Variants in TP73 observed in about 807,000 individuals in gnomAD.
The protein encoded by TP73 is p53-like transcription factor.
TP73 carries 25 observed loss-of-function variants against 62.5 expected under a neutral mutation model. The observed-to-expected ratio is 0.40, with a 90% CI of 0.29 to 0.56. TP73 has a LOEUF of 0.56. TP73 is among the 20% of genes least tolerant of loss of function. The pLI, the probability that TP73 is intolerant of heterozygous loss-of-function variation, is 0.46. For missense variants in TP73, 754 were observed against 913.3 expected, an observed-to-expected ratio of 0.83 and a Z score of 2.25; for synonymous variants, 423 against 377.5, an observed-to-expected ratio of 1.12 and a Z score of -1.40.
intron 1 of TP73, among the ~76,000 whole-genome samples, chr1:3,671,270 A>G (rs1225677382): frequency 6.6e-6 from 1 of 152,148 alleles, no homozygotes; most frequent in African/African-American, 2.4e-5. Flanking sequence ...CAGCCCCCTC[A>G]GACCTGGAGT....
chr1:3,683,313 A>G (rs1645569079), intron 3 of TP73, 133 bp downstream of exon 3: 3 of 1,199,576 alleles, frequency 2.5e-6, no homozygotes, highest in East Asian at 2.6e-5. Context: ...GTTTCTGAGG[A>G]CACTTCAAAT....
chr1:3,727,825 G>A, intron 8 of TP73, 55 bp downstream of exon 8: 1 of 1,475,736 alleles, frequency 6.8e-7, no homozygotes, highest in Non-Finnish European at 9.0e-7. Flanking sequence ...GGGACACATT[G>A]GCAGGACACA....
chr1:3,727,452 A>T, intron 7 of TP73, 176 bp from the exon 8 acceptor site: 1 of 1,056,410 alleles, frequency 9.5e-7, no homozygotes, highest in Non-Finnish European at 1.3e-6. Flanking sequence ...GGGCAGCCTC[A>T]CAGCTTTGAG....
intron 3 of TP73, among the ~76,000 whole-genome samples, chr1:3,698,981 C>A (rs1638918484): frequency 6.6e-6 from 1 of 152,130 alleles, no homozygotes; most frequent in Non-Finnish European, 1.5e-5. Flanking sequence ...GTGGAAAGTT[C>A]CACATGGCCC....
intron 3 of TP73, among the ~76,000 whole-genome samples, chr1:3,693,030 C>T (rs1243853835): frequency 6.6e-6 from 1 of 152,180 alleles, no homozygotes; most frequent in Non-Finnish European, 1.5e-5. Context: ...TTCATCCCAT[C>T]AGCAAGTGTT....
intron 4 of TP73, among the ~76,000 whole-genome samples, chr1:3,710,094 G>A (rs2124411028): frequency 6.6e-6 from 1 of 151,926 alleles, no homozygotes; most frequent in East Asian, 1.9e-4. Flanking sequence ...GGCATCCCGG[G>A]CTGGTCAGCT....
chr1:3,703,033 C>A (rs533397740), intron 3 of TP73, among the ~76,000 whole-genome samples: 3 of 152,196 alleles, frequency 2.0e-5, no homozygotes, highest in Non-Finnish European at 4.4e-5. Flanking sequence ...CAGAGTCCCC[C>A]GAGCCAGGTG....
rs566443142 is a variant in TP73, at chr1:3,670,308, G to A, written c.-33-12025G>A. ...GTGGGTGTCGTCTCCCTGGGGTCCC[G>A]CAGTCTGAACTCAAGACTCAAGAGC... On this transcript the variant is annotated intron_variant, in intron 1 of 13. Transcript: ENST00000378295. The surrounding 1 kb of genome is among the most constrained non-coding windows in gnomAD (Gnocchi z 5.9). Among the ~76,000 whole-genome samples the A allele has an allele frequency of 3.2e-4, 49 of 152,212 alleles. No homozygotes were observed. The highest frequency in any genetic ancestry group is 6.8e-3 in the Middle Eastern group (2 of 294).
intron 3 of TP73, among the ~76,000 whole-genome samples, chr1:3,690,352 G>T (rs1645781691): frequency 1.3e-5 from 2 of 152,152 alleles, no homozygotes; most frequent in South Asian, 2.1e-4. Context: ...GCCAAGGGAG[G>T]CGACACCATC....
At chr1:3,709,721 C>A (rs1278221034) in intron 4 of TP73, among the ~76,000 whole-genome samples, 1 of 152,232 alleles carries the variant, frequency 6.6e-6, no homozygotes, top group South Asian at 2.1e-4. Context: ...ACTCTCTCCC[C>A]TCTAAGGACA....
At chr1:3,692,726 G>T (rs1216290967) in intron 3 of TP73, among the ~76,000 whole-genome samples, 1 of 152,122 alleles carries the variant, frequency 6.6e-6, no homozygotes, top group Non-Finnish European at 1.5e-5. Flanking sequence ...GGGACCTGGG[G>T]GACTCTAGTA....
intron 4 of TP73, among the ~76,000 whole-genome samples, chr1:3,716,402 G>A (rs910787956): frequency 6.6e-6 from 1 of 152,232 alleles, no homozygotes; most frequent in Non-Finnish European, 1.5e-5. Context: ...CCTGGCCCAT[G>A]GGCTGTGGAT....
Position 3,663,139 on chromosome 1 carries a change from C to G in TP73, c.-34+10498C>G, listed in dbSNP as rs1004502741. 6.6e-6 allele frequency among the ~76,000 whole-genome samples: 1 copy of G among 152,100 alleles called. No individual in the cohort carries two copies. Among genetic ancestry groups the G allele is most frequent in the Non-Finnish European group, 1.5e-5 (1 of 68,020 alleles). Reference sequence around the variant, plus strand: ...CATGCCACCAAGATCAGCTGCAGGCCGGGCCACCCATGCCTGAGGGGAGAA... The same window carrying G: ...CATGCCACCAAGATCAGCTGCAGGCGGGGCCACCCATGCCTGAGGGGAGAA... On this transcript the variant is annotated intron_variant, in intron 1 of 13. Coordinates refer to ENST00000378295, the MANE Select transcript of TP73 (RefSeq NM_005427.4). The surrounding 1 kb of genome is among the most constrained non-coding windows in gnomAD (Gnocchi z 4.7).
intron 1 of TP73, among the ~76,000 whole-genome samples, chr1:3,656,383 C>G (rs1644866432): frequency 1.3e-5 from 2 of 152,164 alleles, no homozygotes; most frequent in African/African-American, 4.8e-5. Context: ...CATCACAGAC[C>G]CAAAGAAGAA....
chr1:3,681,850 GATCGTAACAGAC>G (rs1645529298), intron 1 of TP73, among the ~76,000 whole-genome samples: 1 of 151,654 alleles, frequency 6.6e-6, no homozygotes, highest in Non-Finnish European at 1.5e-5. Context: ...AGACACAGGG[GATCGTAACAGAC>G]CACAGGCCTC....
rs977056830 is a variant in TP73 at position 3,672,615 on chromosome 1, G to T, written c.-33-9718G>T. 2.6e-5 allele frequency among the ~76,000 whole-genome samples: 4 copies of T among 151,536 alleles called. No homozygotes were observed. Among genetic ancestry groups the T allele is most frequent in the Non-Finnish European group, 5.9e-5 (4 of 67,938 alleles). On this transcript the variant is annotated intron_variant, in intron 1 of 13. Coordinates refer to ENST00000378295, the MANE Select transcript of TP73 (RefSeq NM_005427.4). The surrounding 1 kb of genome is among the most constrained non-coding windows in gnomAD (Gnocchi z 5.3). ...GACCCCTCACCCCCTATCCTTGGCA[G>T]TCGGTCCTCTGGGTCTTCTTCCTGT...
chr1:3,723,267 C>G, intron 5 of TP73, 87 bp from the exon 6 acceptor site: 1 of 1,123,116 alleles, frequency 8.9e-7, no homozygotes, highest in Non-Finnish European at 1.3e-6. Context: ...CCCTTTGAAC[C>G]CGGCACAGGG....
Position 3,733,019 on chromosome 1 carries a change from C to A in TP73, c.1851C>A (p.Pro617=), listed in dbSNP as rs200586179. The change falls in exon 14 of 14, where the codon CCC becomes CCA. Residue 617 remains proline, a synonymous_variant. Coordinates refer to ENST00000378295, the MANE Select transcript of TP73 (RefSeq NM_005427.4). ...GGGCGGACTTCGGCTTCGACCTGCC[C>A]GACTGCAAGGCCCGCAAGCAGCCCA... The part of the protein sequence containing the change: ...DEWADFGFDL[P]DCKARKQPIK... 6 of 1,556,890 alleles carry A rather than the reference C, an allele frequency of 3.9e-6. No homozygotes were observed. Among genetic ancestry groups the A allele is most frequent in the East Asian group, 4.8e-5 (2 of 41,650 alleles).
At chr1:3,725,454 G>GATA in intron 6 of TP73, among the ~76,000 whole-genome samples, 1 of 145,682 alleles carries the variant, frequency 6.9e-6, no homozygotes, top group African/African-American at 2.6e-5. Context: ...TGGATGGATG[G>GATA]ATAAATGGGG....
Sources: gnomAD v4.1 joint callset for allele counts (sites outside exome capture counted in the v4.1 genomes callset) on GRCh38, gnomAD v4.1.1 for gene constraint, Gnocchi (gnomAD v3.1) non-coding constraint, MANE v1.5 for transcripts, NCBI Gene and HGNC (gene_info 2026-07-23, HGNC 2026-07-21) for gene names.